The following ANKFY1 variants were observed in gnomAD, a reference collection of about 807,000 sequenced individuals.
ANKFY1 encodes ankyrin repeat and FYVE domain-containing protein 1.
A neutral mutation model predicts 128.3 loss-of-function variants in ANKFY1; 47 were observed. The ratio of observed to expected loss-of-function variants is 0.37; its 90% confidence interval spans 0.29 to 0.47. ANKFY1 has a LOEUF of 0.47. Among genes scored for constraint, ANKFY1 ranks in the 20% least tolerant of loss-of-function variants. The pLI, the probability that ANKFY1 is intolerant of heterozygous loss-of-function variation, is 1.00. For missense variants in ANKFY1, 1,222 were observed against 1,510.6 expected (o/e 0.81, Z 3.17); for synonymous variants, 553 against 601.6 (o/e 0.92, Z 1.18).
chr17:4,243,041 A>C (rs1967330771), intron 1 of ANKFY1, among the ~76,000 whole-genome samples: 1 of 152,094 alleles, frequency 6.6e-6, no homozygotes. Context: ...CCCTCATTTA[A>C]TCTCTCTCTC....
chr17:4,218,646 C>A (rs2060258994), intron 3 of ANKFY1, among the ~76,000 whole-genome samples: 4 of 152,086 alleles, frequency 2.6e-5, no homozygotes, highest in Non-Finnish European at 5.9e-5. Flanking sequence ...AGCCATGTAA[C>A]CAAACACTGC....
chr17:4,256,575 G>A (rs1225221936), intron 1 of ANKFY1, among the ~76,000 whole-genome samples: 1 of 152,148 alleles, frequency 6.6e-6, no homozygotes, highest in Non-Finnish European at 1.5e-5. Context: ...CAGATCTTGG[G>A]GGGAGTCGGA....
In ANKFY1 at chr17:4,194,105, T is replaced by TATA. The variant is rs60685083; in HGVS notation, c.1372+872_1372+873insTAT. Reference sequence around the variant, plus strand: ...CCCGGCCATATATATATATATATATTTTTTTTTTTTTTTTTTTTTTGAGAC... The same window carrying TATA: ...CCCGGCCATATATATATATATATATTATATTTTTTTTTTTTTTTTTTTTGAGAC... On this transcript the variant is annotated intron_variant, in intron 10 of 24. Coordinates refer to ENST00000341657, the MANE Select transcript of ANKFY1 (RefSeq NM_001330063.2). Among the ~76,000 whole-genome samples, 487 of 51,484 alleles carry TATA rather than the reference T, an allele frequency of 9.5e-3. 4 individuals carry two copies. Among genetic ancestry groups the TATA allele is most frequent in the South Asian group, 0.026 (34 of 1,326 alleles). 33.8% of individuals were successfully genotyped at this position (51,484 alleles called of 152,430 possible).
chr17:4,186,060 A>G (rs879604768), intron 11 of ANKFY1, among the ~76,000 whole-genome samples: 1 of 152,206 alleles, frequency 6.6e-6, no homozygotes, highest in Admixed American at 6.5e-5. Flanking sequence ...CACATTTGGA[A>G]CCATTATTAC....
rs535243755 is a variant in ANKFY1 at position 4,169,650 on chromosome 17, A to C, written c.3287-362T>G. 2.4e-4 allele frequency among the ~76,000 whole-genome samples: 36 copies of C among 152,320 alleles called. No homozygotes were observed. The highest frequency in any genetic ancestry group is 8.4e-4 in the African/African-American group (35 of 41,568). ...GGGAACAGAGGATGGGACTAAGACAAGAGAAATTGAGGAGGCAAAATCTGT... is the reference window on the plus strand; with the variant it reads ...GGGAACAGAGGATGGGACTAAGACACGAGAAATTGAGGAGGCAAAATCTGT... On this transcript the variant is annotated intron_variant, in intron 23 of 24. Coordinates refer to ENST00000341657, the MANE Select transcript of ANKFY1 (RefSeq NM_001330063.2). This position sits in a 1 kb window ranked among gnomAD's most constrained non-coding sequence, Gnocchi z 5.0.
chr17:4,198,560 C>T (rs374535146), intron 7 of ANKFY1, among the ~76,000 whole-genome samples: 11 of 151,884 alleles, frequency 7.2e-5, no homozygotes, highest in African/African-American at 1.7e-4. Flanking sequence ...TTAGTAGGGA[C>T]GGGGTTTCAC....
intron 4 of ANKFY1, 31 bp downstream of exon 4, chr17:4,216,952 G>C (rs1434812660): frequency 2.5e-6 from 4 of 1,613,398 alleles, no homozygotes; most frequent in Non-Finnish European, 3.4e-6. Flanking sequence ...ACCACCATCT[G>C]AGGTGCTTGA....
At chr17:4,193,924 AT>A (rs917518322) in intron 10 of ANKFY1, among the ~76,000 whole-genome samples, 2 of 148,370 alleles carry the variant, frequency 1.3e-5, no homozygotes, top group African/African-American at 5.0e-5. Flanking sequence ...CAGCCCAGCT[AT>A]TTTTGCATTT....
intron 1 of ANKFY1, among the ~76,000 whole-genome samples, chr17:4,256,009 G>A (rs1045866743): frequency 6.6e-6 from 1 of 151,724 alleles, no homozygotes; most frequent in Admixed American, 6.6e-5. Context: ...GTAGAGACGG[G>A]GTTTCACCAT....
At chr17:4,233,270 T>A (rs1384214238) in intron 3 of ANKFY1, among the ~76,000 whole-genome samples, 1 of 152,146 alleles carries the variant, frequency 6.6e-6, no homozygotes, top group Non-Finnish European at 1.5e-5. Context: ...CAAGATCCTA[T>A]CACACATTTT....
intron 9 of ANKFY1, 107 bp downstream of exon 9, chr17:4,195,296 T>C (rs2059797328): frequency 7.0e-7 from 1 of 1,434,022 alleles, no homozygotes; most frequent in Non-Finnish European, 9.6e-7. Flanking sequence ...TTAGCTCACT[T>C]TAACTTCTTA....
intron 5 of ANKFY1, among the ~76,000 whole-genome samples, chr17:4,208,909 A>G (rs1205754404): frequency 6.6e-6 from 1 of 152,074 alleles, no homozygotes; most frequent in African/African-American, 2.4e-5. Flanking sequence ...AAAATACAAA[A>G]TTAGCCAGGC....
At chr17:4,172,799 C>A in intron 21 of ANKFY1, 119 bp from the exon 22 acceptor site, 1 of 1,359,074 alleles carries the variant, frequency 7.4e-7, no homozygotes, top group South Asian at 1.4e-5. Flanking sequence ...AAACAAGTCA[C>A]AAAAGTTTTT....
intron 4 of ANKFY1, 140 bp downstream of exon 4, chr17:4,216,843 T>C: frequency 8.4e-7 from 1 of 1,184,830 alleles, no homozygotes; most frequent in South Asian, 1.3e-5. Flanking sequence ...GGAGGTAACA[T>C]CTGTCCCCAG....
intron 4 of ANKFY1, among the ~76,000 whole-genome samples, chr17:4,210,708 CAAAAAAAA>C (rs371731375): frequency 7.1e-5 from 3 of 42,454 alleles, no homozygotes; most frequent in Non-Finnish European, 1.1e-4. Context: ...AACTCTGTCG[CAAAAAAAA>C]AAAAAAAAAA....
intron 4 of ANKFY1, among the ~76,000 whole-genome samples, chr17:4,210,708 CA>C (rs371731375): frequency 0.054 from 2,260 of 41,968 alleles, 10 homozygotes; most frequent in African/African-American, 0.2. Flanking sequence ...AACTCTGTCG[CA>C]AAAAAAAAAA....
At chr17:4,198,953 C>T (rs1001572777) in intron 7 of ANKFY1, among the ~76,000 whole-genome samples, 1 of 152,080 alleles carries the variant, frequency 6.6e-6, no homozygotes, top group Non-Finnish European at 1.5e-5. Flanking sequence ...ATCACTTGAG[C>T]CCAAGAGTTC....
rs757083920 is a variant in ANKFY1, at chr17:4,173,462, T to C, written c.2924-18A>G. ...ATGAAGAGCTGGGAAGTAAATCCTCTTACTATGCAAGCCCAGAAGCACATG... is the reference window on the plus strand; with the variant it reads ...ATGAAGAGCTGGGAAGTAAATCCTCCTACTATGCAAGCCCAGAAGCACATG... On this transcript the variant is annotated intron_variant, in intron 20 of 24. Transcript: ENST00000341657. The C allele has an allele frequency of 3.7e-6, 6 of 1,611,594 alleles. No individual in the cohort carries two copies. The highest frequency in any genetic ancestry group is 5.1e-6 in the Non-Finnish European group (6 of 1,177,832).
intron 1 of ANKFY1, among the ~76,000 whole-genome samples, chr17:4,263,252 A>C (rs1448177972): frequency 6.6e-6 from 1 of 152,216 alleles, no homozygotes; most frequent in East Asian, 1.9e-4. Flanking sequence ...AGTGCACGAG[A>C]CCAGAGGGTA....
Sources: gnomAD v4.1 joint callset for allele counts (sites outside exome capture counted in the v4.1 genomes callset) on GRCh38, gnomAD v4.1.1 for gene constraint, Gnocchi (gnomAD v3.1) non-coding constraint, MANE v1.5 for transcripts, NCBI Gene and HGNC (gene_info 2026-07-23, HGNC 2026-07-21) for gene names.